PCDHGB2: variants seen among roughly 807,000 people sequenced by gnomAD.
PCDHGB2 encodes the protein protocadherin gamma subfamily B, 2.
PCDHGB2 carries 55 observed loss-of-function variants against 59.3 expected under a neutral mutation model. That is an observed-to-expected ratio of 0.93 (90% CI 0.75 to 1.16). The LOEUF is 1.16. Ranked by LOEUF, PCDHGB2 falls within the 50% of genes most tolerant of loss-of-function variation. The probability of loss-of-function intolerance (pLI) is 0.00; values close to 1 mark genes in which losing one functional copy is unlikely to be tolerated. For synonymous variants in PCDHGB2, 516 were observed against 512.0 expected (o/e 1.01, Z -0.11); for missense variants, 1,228 against 1,198.5 (o/e 1.02, Z -0.36).
At chr5:141,389,296 A>C in intron 1 of PCDHGB2, 1 of 1,613,988 alleles carries the variant, frequency 6.2e-7, no homozygotes, top group African/African-American at 1.3e-5. Context: ...TCTATTTCAC[A>C]AGTCAGGGCT....
chr5:141,409,004 G>A, intron 1 of PCDHGB2: 3 of 1,614,004 alleles, frequency 1.9e-6, no homozygotes, highest in Non-Finnish European at 1.7e-6. Context: ...GACAGCCACT[G>A]ACCAGGATGA....
intron 1 of PCDHGB2, chr5:141,403,028 G>A (rs1396801327): frequency 6.2e-7 from 1 of 1,614,074 alleles, no homozygotes; most frequent in Admixed American, 1.7e-5. Context: ...GCTATGGGAG[G>A]CCAGGGCCAG....
At chr5:141,375,718 C>T in intron 1 of PCDHGB2, 2 of 1,614,270 alleles carry the variant, frequency 1.2e-6, no homozygotes, top group African/African-American at 1.3e-5. Context: ...TTAGCAGCAA[C>T]GTGTCACTGA....
At chr5:141,446,968 G>A (rs1052445705) in intron 1 of PCDHGB2, among the ~76,000 whole-genome samples, 12 of 152,050 alleles carry the variant, frequency 7.9e-5, no homozygotes, top group African/African-American at 2.4e-4. Flanking sequence ...AGGGAAATTT[G>A]CTGTCTAATT....
At chr5:141,421,844 A>C (rs1261967247) in intron 1 of PCDHGB2, 2 of 1,613,740 alleles carry the variant, frequency 1.2e-6, no homozygotes, top group East Asian at 4.5e-5. Context: ...CGAGAGAAAG[A>C]GGCTGCTCAC....
Position 141,477,395 on chromosome 5 carries a change from A to G in PCDHGB2, c.2422-17412A>G. The G allele has an allele frequency of 1.9e-6, 3 of 1,614,126 alleles. No individual in the cohort carries two copies. The highest frequency in any genetic ancestry group is 1.3e-5 in the African/African-American group (1 of 75,020). ...GACTGTGCCAGAATACAACCTCAGC[A>G]TCACCGCCCGAGACGCCGGAACCCC... On this transcript the variant is annotated intron_variant, in intron 1 of 3. Transcript: ENST00000522605. The surrounding 1 kb of genome is among the most constrained non-coding windows in gnomAD (Gnocchi z 4.9).
chr5:141,413,388 C>T (rs765673305), intron 1 of PCDHGB2: 39 of 1,614,012 alleles, frequency 2.4e-5, no homozygotes, highest in Non-Finnish European at 3.2e-5. Context: ...TCCGCATAGT[C>T]TCCAGAGGTA....
At chr5:141,496,262 C>G (rs934511905) in intron 2 of PCDHGB2, among the ~76,000 whole-genome samples, 3 of 152,158 alleles carry the variant, frequency 2.0e-5, no homozygotes, top group African/African-American at 7.2e-5. Flanking sequence ...GAAACTTCAG[C>G]AGAAAGACCT....
intron 3 of PCDHGB2, among the ~76,000 whole-genome samples, chr5:141,506,202 G>A (rs911181875): frequency 6.6e-6 from 1 of 152,184 alleles, no homozygotes; most frequent in Non-Finnish European, 1.5e-5. Context: ...TGTAATCCCA[G>A]CACTTTGGGA....
intron 1 of PCDHGB2, chr5:141,365,857 T>C: frequency 1.2e-6 from 2 of 1,614,066 alleles, no homozygotes; most frequent in Non-Finnish European, 1.7e-6. Context: ...CCATTAACTC[T>C]GACACCGGTG....
At chr5:141,404,354 G>C in intron 1 of PCDHGB2, 1 of 1,613,916 alleles carries the variant, frequency 6.2e-7, no homozygotes. Context: ...CAACGCCAGA[G>C]GTACTTCCAT....
chr5:141,361,931 G>A lies in PCDHGB2; in HGVS notation c.1796G>A (p.Gly599Glu). The part of the protein sequence containing the change: ...TKVVAVDADS[G>E]HNAWLSYHVL... ...GTGGTGGCGGTGGACGCAGACTCAG[G>A]ACACAACGCTTGGCTGTCCTACCAC... Residue 599 changes from glycine to glutamate, a missense_variant, in exon 1 of 4, where the codon GGA (glycine) becomes GAA (glutamate). Coordinates refer to ENST00000522605, the MANE Select transcript of PCDHGB2 (RefSeq NM_018923.3). 1.9e-6 allele frequency: 3 copies of A among 1,606,902 alleles called. No homozygotes were observed. Among genetic ancestry groups the A allele is most frequent in the Non-Finnish European group, 2.5e-6 (3 of 1,178,686 alleles).
chr5:141,477,260 G>A lies in PCDHGB2; in HGVS notation c.2422-17547G>A. On this transcript the variant is annotated intron_variant, in intron 1 of 3. Coordinates refer to ENST00000522605, the MANE Select transcript of PCDHGB2 (RefSeq NM_018923.3). This position sits in a 1 kb window ranked among gnomAD's most constrained non-coding sequence, Gnocchi z 4.9. ...GCTCAGTGTGACTGACCTGGATGCTGGCGAGAACGGGCTGGTGACCTGCGA... is the reference window on the plus strand; with the variant it reads ...GCTCAGTGTGACTGACCTGGATGCTAGCGAGAACGGGCTGGTGACCTGCGA... 6.2e-7 allele frequency: 1 copy of A among 1,614,200 alleles called. No homozygotes were observed. Among genetic ancestry groups the A allele is most frequent in the Non-Finnish European group, 8.5e-7 (1 of 1,180,048 alleles).
chr5:141,470,680 T>C (rs1212361233), intron 1 of PCDHGB2, among the ~76,000 whole-genome samples: 1 of 152,090 alleles, frequency 6.6e-6, no homozygotes, highest in Non-Finnish European at 1.5e-5. Context: ...GCTGTTACCA[T>C]CTTGAAATTC....
chr5:141,415,602 A>G (rs1208876851), intron 1 of PCDHGB2: 2 of 1,613,602 alleles, frequency 1.2e-6, no homozygotes, highest in African/African-American at 2.7e-5. Flanking sequence ...AGGATACCCC[A>G]TTGGTTCCAG....
At chr5:141,480,703 C>T (rs577131684) in intron 1 of PCDHGB2, among the ~76,000 whole-genome samples, 10 of 152,252 alleles carry the variant, frequency 6.6e-5, no homozygotes, top group Admixed American at 1.3e-4. Flanking sequence ...GGCCACACCC[C>T]GACAAATGAA....
chr5:141,374,729 G>A, intron 1 of PCDHGB2: 2 of 1,610,396 alleles, frequency 1.2e-6, no homozygotes, highest in African/African-American at 2.7e-5. Context: ...TACTGCCATG[G>A]ATGGCGGCGA....
chr5:141,498,523 G>A (rs555386753), intron 2 of PCDHGB2, among the ~76,000 whole-genome samples: 1 of 151,580 alleles, frequency 6.6e-6, no homozygotes, highest in Admixed American at 6.6e-5. Context: ...CTTGCCCACT[G>A]CCCTCCAGCC....
At chr5:141,453,964 C>T (rs2098778500) in intron 1 of PCDHGB2, among the ~76,000 whole-genome samples, 1 of 152,296 alleles carries the variant, frequency 6.6e-6, no homozygotes, top group Non-Finnish European at 1.5e-5. Context: ...GACAGCAAAG[C>T]ATGTAGTTGT....
Sources: gnomAD v4.1 joint callset for allele counts (sites outside exome capture counted in the v4.1 genomes callset) on GRCh38, gnomAD v4.1.1 for gene constraint, Gnocchi (gnomAD v3.1) non-coding constraint, MANE v1.5 for transcripts, NCBI Gene and HGNC (gene_info 2026-07-23, HGNC 2026-07-21) for gene names.